The following BRINP1 variants were observed in gnomAD, a reference collection of about 807,000 sequenced individuals.
The protein encoded by BRINP1 is BMP/retinoic acid-inducible neural-specific protein 1.
Under a neutral mutation model 72.9 loss-of-function variants are expected in BRINP1, and 17 were observed. The ratio of observed to expected loss-of-function variants is 0.23; its 90% CI spans 0.16 to 0.35. The LOEUF (loss-of-function observed/expected upper bound fraction) is 0.35, where lower values mean the gene tolerates loss of function less well. Ranked by LOEUF, BRINP1 falls within the 10% of genes least tolerant of loss-of-function variation. BRINP1 has a pLI of 1.00. For synonymous variants in BRINP1, 418 were observed against 378.5 expected, an observed-to-expected ratio of 1.10 and a Z score of -1.21; for missense variants, 850 against 1,001.6, an observed-to-expected ratio of 0.85 and a Z score of 2.04.
intron 1 of BRINP1, among the ~76,000 whole-genome samples, chr9:119,355,431 TA>T (rs1338154809): frequency 6.6e-6 from 1 of 152,100 alleles, no homozygotes; most frequent in Non-Finnish European, 1.5e-5. Context: ...CAGCTCTGTT[TA>T]AAAATGATAC....
chr9:119,245,748 T>C (rs1239176768), intron 3 of BRINP1, among the ~76,000 whole-genome samples: 1 of 152,240 alleles, frequency 6.6e-6, no homozygotes, highest in Non-Finnish European at 1.5e-5. Flanking sequence ...CTTTTAGTAT[T>C]TGATTATCCC....
At chr9:119,219,490 T>A (rs1830015858) in intron 5 of BRINP1, among the ~76,000 whole-genome samples, 1 of 152,050 alleles carries the variant, frequency 6.6e-6, no homozygotes. Context: ...CCTCCTTCCT[T>A]CTTCCCATTT....
At chr9:119,267,828 G>A (rs1481170912) in intron 2 of BRINP1, among the ~76,000 whole-genome samples, 1 of 152,106 alleles carries the variant, frequency 6.6e-6, no homozygotes, top group African/African-American at 2.4e-5. Context: ...AGAAGAGGCC[G>A]AAGGACTGAG....
intron 5 of BRINP1, among the ~76,000 whole-genome samples, chr9:119,231,214 G>A (rs1564223606): frequency 6.6e-6 from 1 of 151,972 alleles, no homozygotes; most frequent in East Asian, 1.9e-4. Flanking sequence ...TAAAGATCAA[G>A]AAAATGTCTC....
intron 5 of BRINP1, among the ~76,000 whole-genome samples, chr9:119,235,968 G>A (rs1252870161): frequency 6.6e-6 from 1 of 152,120 alleles, no homozygotes; most frequent in African/African-American, 2.4e-5. Flanking sequence ...GGTCATAAAT[G>A]TGTACTAGAA....
chr9:119,270,357 G>A (rs1830595007), intron 2 of BRINP1, among the ~76,000 whole-genome samples: 1 of 152,200 alleles, frequency 6.6e-6, no homozygotes, highest in South Asian at 2.1e-4. Context: ...ACCCCGTGTT[G>A]AGAGTTGAAC....
chr9:119,364,578 A>G (rs994244275), intron 1 of BRINP1, among the ~76,000 whole-genome samples: 4 of 152,254 alleles, frequency 2.6e-5, no homozygotes, highest in Non-Finnish European at 5.9e-5. Flanking sequence ...CCAACCATTC[A>G]TAATAGTTAC....
chr9:119,174,686 T>C (rs1392595899), intron 7 of BRINP1, among the ~76,000 whole-genome samples: 1 of 151,130 alleles, frequency 6.6e-6, no homozygotes. Context: ...ATTGCGGCAT[T>C]ATTCACAATA....
chr9:119,312,374 C>T (rs1831077140), intron 2 of BRINP1, among the ~76,000 whole-genome samples: 1 of 152,142 alleles, frequency 6.6e-6, no homozygotes, highest in South Asian at 2.1e-4. Flanking sequence ...AGGTCATTCC[C>T]TCAAAGAGTT....
chr9:119,361,612 T>C (rs1354204628), intron 1 of BRINP1, among the ~76,000 whole-genome samples: 1 of 101,054 alleles, frequency 9.9e-6, no homozygotes, highest in Admixed American at 9.6e-5. Context: ...CAACATATTC[T>C]TCTTCTTCTT....
chr9:119,363,431 A>G (rs1831655996), intron 1 of BRINP1, among the ~76,000 whole-genome samples: 6 of 151,892 alleles, frequency 4.0e-5, no homozygotes, highest in Admixed American at 3.9e-4. Context: ...CTCTGCCTCT[A>G]ATGCTCTTTC....
At chr9:119,213,098 A>C (rs2118876102) in intron 6 of BRINP1, among the ~76,000 whole-genome samples, 1 of 152,218 alleles carries the variant, frequency 6.6e-6, no homozygotes, top group East Asian at 1.9e-4. Flanking sequence ...ACCTGTAATC[A>C]CCTTCTCATA....
At chr9:119,344,245 G>C (rs1388412226) in intron 1 of BRINP1, among the ~76,000 whole-genome samples, 2 of 152,190 alleles carry the variant, frequency 1.3e-5, no homozygotes, top group African/African-American at 4.8e-5. Context: ...ATTTGGGACA[G>C]TGCATATAAA....
At chr9:119,347,199 G>A (rs996188025) in intron 1 of BRINP1, among the ~76,000 whole-genome samples, 1 of 152,090 alleles carries the variant, frequency 6.6e-6, no homozygotes, top group African/African-American at 2.4e-5. Context: ...TCTGCTACTT[G>A]CACAGCCCCT....
chr9:119,349,522 G>A (rs954797123), intron 1 of BRINP1, among the ~76,000 whole-genome samples: 11 of 152,108 alleles, frequency 7.2e-5, no homozygotes, highest in Admixed American at 5.9e-4. Context: ...GGATTGGTGC[G>A]GTACACTTGT....
chr9:119,206,659 C>A (rs1829858592), intron 7 of BRINP1, among the ~76,000 whole-genome samples: 1 of 152,088 alleles, frequency 6.6e-6, no homozygotes, highest in African/African-American at 2.4e-5. Flanking sequence ...GTTATGGCAA[C>A]CATCATAAAC....
intron 2 of BRINP1, among the ~76,000 whole-genome samples, chr9:119,262,253 G>C (rs923880240): frequency 6.6e-6 from 1 of 152,102 alleles, no homozygotes; most frequent in African/African-American, 2.4e-5. Flanking sequence ...CCAAGTCTAT[G>C]AATTTATATA....
chr9:119,271,324 C>CAAAAAA (rs11455242), intron 2 of BRINP1, among the ~76,000 whole-genome samples: 1 of 142,672 alleles, frequency 7.0e-6, no homozygotes, highest in Non-Finnish European at 1.5e-5. Flanking sequence ...CCAGAAGGAC[C>CAAAAAA]AAAAAAAAAA....
chr9:119,210,442 C>T (rs1829910889), intron 6 of BRINP1, among the ~76,000 whole-genome samples: 1 of 152,060 alleles, frequency 6.6e-6, no homozygotes, highest in Admixed American at 6.6e-5. Flanking sequence ...ACATATATAA[C>T]CATATTTTAT....
Sources: gnomAD v4.1 joint callset for allele counts (sites outside exome capture counted in the v4.1 genomes callset) on GRCh38, gnomAD v4.1.1 for gene constraint, MANE v1.5 for transcripts, NCBI Gene and HGNC (gene_info 2026-07-23, HGNC 2026-07-21) for gene names.